CTNNA2: variants seen among roughly 807,000 people sequenced by gnomAD.
CTNNA2 encodes the protein catenin alpha 2.
In CTNNA2, 42 loss-of-function variants were observed where a neutral mutation model predicts 101.0. The ratio of observed to expected loss-of-function variants is 0.42; its 90% CI spans 0.32 to 0.54. The LOEUF is 0.54. Among genes scored for constraint, CTNNA2 ranks in the 20% least tolerant of loss-of-function variants. The pLI is 0.14. For synonymous variants in CTNNA2, 450 were observed against 456.4 expected (o/e 0.99, Z 0.18); for missense variants, 871 against 1,223.1 (o/e 0.71, Z 4.29).
chr2:79,793,038 G>T lies in CTNNA2; in HGVS notation c.298+48456G>T, dbSNP rs1031435709. Reference sequence around the variant, plus strand: ...CAATATTTTATGCATTATATAGAGAGAATTTTGGATGGTATGTATGTTTAG... The same window carrying T: ...CAATATTTTATGCATTATATAGAGATAATTTTGGATGGTATGTATGTTTAG... On this transcript the variant is annotated intron_variant, in intron 3 of 18. Coordinates refer to ENST00000402739, the MANE Select transcript of CTNNA2 (RefSeq NM_001282597.3). Among the ~76,000 whole-genome samples, 4 of 152,240 alleles carry T rather than the reference G, an allele frequency of 2.6e-5. No individual in the cohort carries two copies. The South Asian group carries it at 8.3e-4, about 32-fold the overall frequency.
intron 7 of CTNNA2, among the ~76,000 whole-genome samples, chr2:80,204,578 A>G (rs1196121531): frequency 6.6e-6 from 1 of 152,094 alleles, no homozygotes; most frequent in African/African-American, 2.4e-5. Flanking sequence ...CTTATTTTTT[A>G]TATGCCTATT....
intron 6 of CTNNA2, among the ~76,000 whole-genome samples, chr2:79,886,001 A>G (rs773685117): frequency 5.3e-5 from 8 of 152,232 alleles, no homozygotes; most frequent in Non-Finnish European, 7.3e-5. Context: ...CAAAGTGTAT[A>G]TGTGCCAGAT....
chr2:79,301,824 C>A (rs1281072934), intron 2 of CTNNA2, among the ~76,000 whole-genome samples: 1 of 152,008 alleles, frequency 6.6e-6, no homozygotes, highest in Non-Finnish European at 1.5e-5. Flanking sequence ...CACAGTGGCT[C>A]ACATCTGTAA....
intron 7 of CTNNA2, among the ~76,000 whole-genome samples, chr2:80,359,110 C>T (rs1258938665): frequency 6.6e-6 from 1 of 151,916 alleles, no homozygotes; most frequent in Non-Finnish European, 1.5e-5. Context: ...TATGATGGCT[C>T]ACACCTGTAA....
intron 2 of CTNNA2, among the ~76,000 whole-genome samples, chr2:79,291,962 C>A (rs1368968): frequency 0.065 from 9,903 of 151,974 alleles, 1,107 homozygotes; most frequent in African/African-American, 0.23. Flanking sequence ...GGGATGTTTG[C>A]AAGCCCCTGG....
intron 2 of CTNNA2, among the ~76,000 whole-genome samples, chr2:79,220,197 T>C (rs1333743759): frequency 1.3e-5 from 2 of 151,546 alleles, no homozygotes; most frequent in Non-Finnish European, 2.9e-5. Flanking sequence ...TGTGTGTGTG[T>C]GTGTATATAT....
chr2:79,895,691 A>AT lies in CTNNA2; in HGVS notation c.853-13903_853-13902insT, dbSNP rs757762487. ...GATTATGTGGTTTGTGAAATTTCTT[A>AT]ATTTTTTTTTTTTTTTTTGGCTGCA... On this transcript the variant is annotated intron_variant, in intron 6 of 18. Coordinates refer to ENST00000402739, the MANE Select transcript of CTNNA2 (RefSeq NM_001282597.3). Among the ~76,000 whole-genome samples the AT allele has an allele frequency of 3.5e-3, 376 of 107,768 alleles. 8 individuals carry two copies. The highest frequency in any genetic ancestry group is 9.0e-3 in the Middle Eastern group (2 of 222). The allele number at this position is 107,768 out of a possible 152,430, so 70.7% of individuals were successfully genotyped here.
In CTNNA2 at chr2:80,302,734, C is replaced by G. The variant is rs748233120; in HGVS notation, c.1057-90477C>G. 6.2e-7 allele frequency: 1 copy of G among 1,613,126 alleles called. No individual in the cohort carries two copies. The highest frequency in any genetic ancestry group is 1.7e-5 in the Admixed American group (1 of 60,006). Reference sequence around the variant, plus strand: ...TGGTGGGCTCGGCCCCATCCTCGCACAGGTGGAAGGCGTACACGGCGTCCA... The same window carrying G: ...TGGTGGGCTCGGCCCCATCCTCGCAGAGGTGGAAGGCGTACACGGCGTCCA... On this transcript the variant is annotated intron_variant, in intron 7 of 18. Transcript: ENST00000402739. The surrounding 1 kb of genome is among the most constrained non-coding windows in gnomAD (Gnocchi z 6.4).
intron 2 of CTNNA2, among the ~76,000 whole-genome samples, chr2:79,268,539 G>A (rs1016251744): frequency 6.6e-6 from 1 of 152,068 alleles, no homozygotes; most frequent in African/African-American, 2.4e-5. Context: ...AGGGGGTGAG[G>A]GGAACCCCAA....
chr2:80,179,242 C>T (rs1705600893), intron 7 of CTNNA2, among the ~76,000 whole-genome samples: 1 of 152,222 alleles, frequency 6.6e-6, no homozygotes, highest in African/African-American at 2.4e-5. Context: ...CAGTTGGAGT[C>T]ACCACTTGGT....
intron 9 of CTNNA2, among the ~76,000 whole-genome samples, chr2:80,486,052 T>G (rs1686557162): frequency 6.6e-6 from 1 of 152,210 alleles, no homozygotes; most frequent in Non-Finnish European, 1.5e-5. Context: ...AAAGATGCAT[T>G]TGTTCCTAAG....
chr2:79,397,389 A>C (rs567901849), intron 4 of CTNNA2, among the ~76,000 whole-genome samples: 1 of 152,082 alleles, frequency 6.6e-6, no homozygotes, highest in Non-Finnish European at 1.5e-5. Context: ...TTTCCAGCCA[A>C]GGACAACATT....
chr2:79,236,103 G>T (rs1674554307), intron 2 of CTNNA2, among the ~76,000 whole-genome samples: 1 of 152,194 alleles, frequency 6.6e-6, no homozygotes, highest in African/African-American at 2.4e-5. Flanking sequence ...GGCAGAAACA[G>T]AAATACTGGA....
chr2:79,847,717 A>G (rs1680351413), intron 3 of CTNNA2, among the ~76,000 whole-genome samples: 1 of 152,162 alleles, frequency 6.6e-6, no homozygotes, highest in Admixed American at 6.5e-5. Context: ...CATTAAATCC[A>G]TCCTCTGTAC....
At chr2:80,456,949 A>C (rs1169254299) in intron 9 of CTNNA2, among the ~76,000 whole-genome samples, 1 of 152,216 alleles carries the variant, frequency 6.6e-6, no homozygotes. Context: ...AGTTAACAAT[A>C]ATTTGTTGCA....
intron 7 of CTNNA2, among the ~76,000 whole-genome samples, chr2:80,254,284 A>G (rs1040715366): frequency 2.0e-5 from 3 of 152,192 alleles, no homozygotes; most frequent in African/African-American, 7.2e-5. Context: ...ATAAGCCCCT[A>G]TAACACCTAC....
At chr2:79,499,127 C>G (rs745761402) in intron 4 of CTNNA2, 1 of 152,166 alleles carries the variant, frequency 6.6e-6, no homozygotes, top group African/African-American at 2.4e-5. Context: ...AACTGCATAA[C>G]AAAGACCATC....
intron 2 of CTNNA2, among the ~76,000 whole-genome samples, chr2:79,266,209 G>A (rs1674984794): frequency 6.6e-6 from 1 of 152,070 alleles, no homozygotes; most frequent in South Asian, 2.1e-4. Context: ...GGTTCCTACA[G>A]CCTGCTTTGA....
chr2:79,611,558 A>C (rs1678274814), intron 1 of CTNNA2, among the ~76,000 whole-genome samples: 1 of 152,170 alleles, frequency 6.6e-6, no homozygotes, highest in Non-Finnish European at 1.5e-5. Context: ...CGTATCCTGA[A>C]AACATATTGC....
Sources: gnomAD v4.1 joint callset for allele counts (sites outside exome capture counted in the v4.1 genomes callset) on GRCh38, gnomAD v4.1.1 for gene constraint, Gnocchi (gnomAD v3.1) non-coding constraint, MANE v1.5 for transcripts, NCBI Gene and HGNC (gene_info 2026-07-23, HGNC 2026-07-21) for gene names.